TMPRSS15: variants seen among roughly 807,000 people sequenced by gnomAD.
TMPRSS15 encodes transmembrane serine protease 15.
TMPRSS15 carries 128 observed loss-of-function variants against 125.3 expected under a neutral mutation model. That is an observed-to-expected ratio of 1.02 (90% confidence interval 0.89 to 1.18). The LOEUF is 1.18. Ranked by LOEUF, TMPRSS15 falls within the 50% of genes most tolerant of loss-of-function variation. The pLI, the probability that TMPRSS15 is intolerant of heterozygous loss-of-function variation, is 0.00. For missense variants in TMPRSS15, 1,283 were observed against 1,212.7 expected (o/e 1.06, Z -0.86); for synonymous variants, 446 against 423.2 (o/e 1.05, Z -0.66).
At chr21:18,485,261 C>T (rs1979057014) in intron 1 of TMPRSS15, among the ~76,000 whole-genome samples, 1 of 151,756 alleles carries the variant, frequency 6.6e-6, no homozygotes, top group African/African-American at 2.4e-5. Flanking sequence ...ATAATTTCAT[C>T]TGTGAATAAT....
intron 3 of TMPRSS15, among the ~76,000 whole-genome samples, chr21:18,392,353 C>A (rs1180663743): frequency 1.3e-5 from 2 of 152,144 alleles, no homozygotes; most frequent in Admixed American, 6.5e-5. Context: ...CTCTCAAGTT[C>A]AAAATTCCAC....
chr21:18,342,560 A>C (rs1414108189), intron 12 of TMPRSS15, among the ~76,000 whole-genome samples: 1 of 152,218 alleles, frequency 6.6e-6, no homozygotes, highest in Non-Finnish European at 1.5e-5. Flanking sequence ...AAAGACGCTC[A>C]ATGAGTATAG....
intron 1 of TMPRSS15, among the ~76,000 whole-genome samples, chr21:18,474,324 C>G (rs1478785945): frequency 2.7e-5 from 4 of 150,914 alleles, no homozygotes; most frequent in Non-Finnish European, 5.9e-5. Flanking sequence ...GAGTTTCACT[C>G]TTATTGCCCA....
At chr21:18,339,930 T>G (rs1334004189) in intron 13 of TMPRSS15, among the ~76,000 whole-genome samples, 1 of 152,220 alleles carries the variant, frequency 6.6e-6, no homozygotes, top group Admixed American at 6.5e-5. Flanking sequence ...CAGGCTCGAT[T>G]TGGTTCTTTT....
intron 1 of TMPRSS15, among the ~76,000 whole-genome samples, chr21:18,399,265 G>A (rs1300690443): frequency 1.3e-5 from 2 of 151,988 alleles, no homozygotes; most frequent in Admixed American, 1.3e-4. Flanking sequence ...CAACAGATCT[G>A]GAATTTGGTC....
chr21:18,455,370 G>A (rs1978421893), intron 1 of TMPRSS15, among the ~76,000 whole-genome samples: 1 of 152,244 alleles, frequency 6.6e-6, no homozygotes, highest in South Asian at 2.1e-4. Context: ...TATTGTCAAT[G>A]AAATGACATA....
In TMPRSS15 at chr21:18,329,160, C is replaced by T. The variant is rs371682564; in HGVS notation, c.1780+9G>A. ...TACAACCTTTACAATATTCAGATTG[C>T]AGACTTACCTAAGAGCAAGGAATCA... On this transcript the variant is annotated intron_variant, in intron 15 of 24. Transcript: ENST00000284885. 1.3e-4 allele frequency: 209 copies of T among 1,612,002 alleles called. 1 individual carries two copies. In the Middle Eastern group the frequency reaches 8.5e-3, roughly 65 times the overall value.
chr21:18,435,330 T>C (rs1002132380), intron 1 of TMPRSS15, among the ~76,000 whole-genome samples: 2 of 152,234 alleles, frequency 1.3e-5, no homozygotes, highest in Admixed American at 6.5e-5. Context: ...ATTGAGAGTT[T>C]TTAGCATGAA....
At chr21:18,302,725 T>C (rs2074986616) in intron 18 of TMPRSS15, among the ~76,000 whole-genome samples, 1 of 152,196 alleles carries the variant, frequency 6.6e-6, no homozygotes, top group Non-Finnish European at 1.5e-5. Flanking sequence ...ACAGATGCAA[T>C]GGTATTACAA....
chr21:18,331,510 C>A (rs1297677935), intron 14 of TMPRSS15, among the ~76,000 whole-genome samples: 1 of 152,118 alleles, frequency 6.6e-6, no homozygotes, highest in African/African-American at 2.4e-5. Context: ...GCAGTTTTAG[C>A]AAACTATTTT....
Position 18,312,873 on chromosome 21 carries a change from T to C in TMPRSS15, c.2165+72A>G, listed in dbSNP as rs986629030. The C allele has an allele frequency of 4.4e-6, 7 of 1,580,350 alleles. No individual in the cohort carries two copies. The Admixed American group carries it at 1.2e-4, about 27-fold the overall frequency. On this transcript the variant is annotated intron_variant, in intron 18 of 24. Coordinates refer to ENST00000284885, the MANE Select transcript of TMPRSS15 (RefSeq NM_002772.3). ...ATAACTTTATAAATTTTAAAGCTCT[T>C]ATTAAACCTAATTTGATAGTAATAA...
intron 14 of TMPRSS15, among the ~76,000 whole-genome samples, chr21:18,331,398 C>T (rs1181935134): frequency 7.2e-5 from 11 of 152,104 alleles, no homozygotes; most frequent in Admixed American, 7.2e-4. Flanking sequence ...GAAGTGGAAC[C>T]TTTGTAGGAT....
chr21:18,321,494 A>G (rs1259054246), intron 16 of TMPRSS15, among the ~76,000 whole-genome samples: 1 of 151,666 alleles, frequency 6.6e-6, no homozygotes, highest in Non-Finnish European at 1.5e-5. Flanking sequence ...CTGGGACTAC[A>G]GGTGCCTGCC....
At chr21:18,422,927 G>A (rs1430775348) in intron 1 of TMPRSS15, among the ~76,000 whole-genome samples, 5 of 152,178 alleles carry the variant, frequency 3.3e-5, no homozygotes, top group Admixed American at 2.0e-4. Flanking sequence ...AATTACTGTA[G>A]GTCTCAAATG....
chr21:18,375,177 T>C (rs930707590), intron 5 of TMPRSS15, among the ~76,000 whole-genome samples: 2 of 152,226 alleles, frequency 1.3e-5, no homozygotes, highest in African/African-American at 4.8e-5. Flanking sequence ...ATGAAAAATA[T>C]GAATGTGATT....
At chr21:18,424,965 GA>G (rs1416561747) in intron 1 of TMPRSS15, among the ~76,000 whole-genome samples, 4 of 148,736 alleles carry the variant, frequency 2.7e-5, no homozygotes, top group African/African-American at 9.8e-5. Context: ...TCATATGTAT[GA>G]ATACATATGA....
In TMPRSS15 at chr21:18,308,713, A is replaced by C. The variant is rs539370891; in HGVS notation, c.2165+4232T>G. Reference sequence around the variant, plus strand: ...CCCATCAACCCATCATCTACATTAGATATTTCTCCTAATGCTATCCCTCCC... The same window carrying C: ...CCCATCAACCCATCATCTACATTAGCTATTTCTCCTAATGCTATCCCTCCC... On this transcript the variant is annotated intron_variant, in intron 18 of 24. Coordinates refer to ENST00000284885, the MANE Select transcript of TMPRSS15 (RefSeq NM_002772.3). Among the ~76,000 whole-genome samples, 40 of 151,888 alleles carry C rather than the reference A, an allele frequency of 2.6e-4. 2 individuals carry two copies. The South Asian group carries it at 7.7e-3, about 29-fold the overall frequency.
At chr21:18,398,972 A>C (rs1011391938) in intron 1 of TMPRSS15, among the ~76,000 whole-genome samples, 11 of 152,116 alleles carry the variant, frequency 7.2e-5, no homozygotes, top group African/African-American at 2.7e-4. Flanking sequence ...AAAATGTAAA[A>C]AAAGAAGGTT....
chr21:18,464,172 C>CAAAAA (rs1163284712), intron 1 of TMPRSS15, among the ~76,000 whole-genome samples: 2 of 37,166 alleles, frequency 5.4e-5, no homozygotes, highest in Admixed American at 2.9e-4. Flanking sequence ...GACTCCGTCT[C>CAAAAA]AAAAAAAAAA....
Sources: gnomAD v4.1 joint callset for allele counts (sites outside exome capture counted in the v4.1 genomes callset) on GRCh38, gnomAD v4.1.1 for gene constraint, MANE v1.5 for transcripts, NCBI Gene and HGNC (gene_info 2026-07-23, HGNC 2026-07-21) for gene names.